Variants in LRRK1 observed in about 807,000 individuals in gnomAD.
The protein encoded by LRRK1 is leucine-rich repeat serine/threonine-protein kinase 1.
LRRK1 carries 113 observed loss-of-function variants against 209.1 expected under a neutral mutation model. That is an observed-to-expected ratio of 0.54 (90% CI 0.46 to 0.63). LRRK1 has a LOEUF of 0.63. LRRK1 is among the 30% of genes least tolerant of loss of function. LRRK1 has a pLI of 0.00. For missense variants in LRRK1, 2,284 were observed against 2,632.2 expected, an observed-to-expected ratio of 0.87 and a Z score of 2.89; for synonymous variants, 1,144 against 1,099.7, an observed-to-expected ratio of 1.04 and a Z score of -0.80.
intron 9 of LRRK1, among the ~76,000 whole-genome samples, chr15:101,011,206 T>C (rs1363205118): frequency 1.3e-5 from 2 of 151,962 alleles, no homozygotes; most frequent in Non-Finnish European, 1.5e-5. Context: ...CTATGGCTCA[T>C]GCCTGTAATC....
intron 20 of LRRK1, among the ~76,000 whole-genome samples, chr15:101,034,203 C>T (rs2034403216): frequency 6.6e-6 from 1 of 152,084 alleles, no homozygotes; most frequent in South Asian, 2.1e-4. Context: ...TCTCATTCAA[C>T]AGGTCTCTTC....
chr15:100,941,652 G>A (rs998283823), intron 2 of LRRK1, among the ~76,000 whole-genome samples: 4 of 152,142 alleles, frequency 2.6e-5, no homozygotes, highest in Admixed American at 6.5e-5. Flanking sequence ...GGGATTCCCC[G>A]TAGCTGTCTG....
chr15:100,933,268 C>T (rs1271851725), intron 2 of LRRK1, among the ~76,000 whole-genome samples: 2 of 152,298 alleles, frequency 1.3e-5, no homozygotes, highest in South Asian at 2.1e-4. Flanking sequence ...AGAATCTTCC[C>T]TGTGTGCTTG....
At position 101,021,904 on chromosome 15, in the gene LRRK1, T is replaced by G; in HGVS notation, c.1799T>G (p.Leu600Arg). ...ELGQLGNLWQ[L>R]DTEDLTISNV... ...GGGCAGCTGGGCAACCTCTGGCAGC[T>G]GGACACTGAAGACCTGACCATCAGC... The change falls in exon 14 of 34, where the codon CTG (leucine) becomes CGG (arginine). Residue 600 changes from leucine (L) to arginine (R), a missense_variant. Coordinates refer to ENST00000388948, the MANE Select transcript of LRRK1 (RefSeq NM_024652.6). 1 of 1,614,076 alleles carries G rather than the reference T, an allele frequency of 6.2e-7. No individual in the cohort carries two copies. Among genetic ancestry groups the G allele is most frequent in the Non-Finnish European group, 8.5e-7 (1 of 1,180,012 alleles).
In LRRK1 at chr15:101,009,077, G is replaced by A. The variant is rs552567913; in HGVS notation, c.989+14G>A. 1.3e-6 allele frequency: 2 copies of A among 1,594,258 alleles called. No homozygotes were observed. The highest frequency in any genetic ancestry group is 1.7e-5 in the Admixed American group (1 of 59,904). On this transcript the variant is annotated intron_variant, in intron 7 of 33. Coordinates refer to ENST00000388948, the MANE Select transcript of LRRK1 (RefSeq NM_024652.6). ...CATCTGTTCCAGGTGGCTCCCCGGG[G>A]TGTGACCGGAGCCGTGTGTGACCCC...
rs2033927334 is a variant in LRRK1 at position 101,024,386 on chromosome 15, G to A, written c.2068-417G>A. Among the ~76,000 whole-genome samples the A allele has an allele frequency of 6.6e-6, 1 of 152,162 alleles. No homozygotes were observed. Among genetic ancestry groups the A allele is most frequent in the Non-Finnish European group, 1.5e-5 (1 of 68,022 alleles). ...AGGGAGTTTCCCAGCATCCTTGGTG[G>A]GCGCCACCCTCTGAGCCCCACAAGT... is the stretch of plus-strand genomic sequence containing the variant. On this transcript the variant is annotated intron_variant, in intron 15 of 33. Transcript: ENST00000388948. The surrounding 1 kb of genome is among the most constrained non-coding windows in gnomAD (Gnocchi z 4.6).
chr15:101,047,816 G>A (rs959218710), intron 21 of LRRK1, among the ~76,000 whole-genome samples: 4 of 152,156 alleles, frequency 2.6e-5, no homozygotes, highest in South Asian at 4.1e-4. Flanking sequence ...CCAATAATCC[G>A]ACTGGTAAAC....
At chr15:101,015,195 C>T in intron 11 of LRRK1, 131 bp from the exon 12 acceptor site, 2 of 700,588 alleles carry the variant, frequency 2.9e-6, no homozygotes, top group South Asian at 3.6e-5. Context: ...GCAGCGTGCG[C>T]CCCTGCCAGG....
chr15:101,043,033 C>T (rs2034852041), intron 20 of LRRK1, among the ~76,000 whole-genome samples: 1 of 152,248 alleles, frequency 6.6e-6, no homozygotes, highest in Non-Finnish European at 1.5e-5. Context: ...GTTTCCATAT[C>T]AGCCGCTTCC....
At chr15:100,993,324 T>C (rs767199875) in intron 6 of LRRK1, among the ~76,000 whole-genome samples, 16 of 152,202 alleles carry the variant, frequency 1.1e-4, no homozygotes, top group Non-Finnish European at 2.1e-4. Flanking sequence ...TATCAGAGCC[T>C]GAAATATAGA....
chr15:101,011,890 T>G, intron 9 of LRRK1, 118 bp from the exon 10 acceptor site: 2 of 744,824 alleles, frequency 2.7e-6, no homozygotes, highest in South Asian at 3.6e-5. Context: ...GTCATCTTCA[T>G]TACAGGACAT....
At chr15:101,055,979 C>T (rs1257977286) in intron 27 of LRRK1, among the ~76,000 whole-genome samples, 1 of 152,218 alleles carries the variant, frequency 6.6e-6, no homozygotes, top group Non-Finnish European at 1.5e-5. Flanking sequence ...ATTAGCTCAG[C>T]ACCTGTGGTT....
Position 101,069,676 on chromosome 15 carries a change from T to C in LRRK1, c.*828T>C, listed in dbSNP as rs964354170. 2.0e-5 allele frequency: 3 copies of C among 152,660 alleles called. No individual in the cohort carries two copies. Among genetic ancestry groups the C allele is most frequent in the Non-Finnish European group, 4.4e-5 (3 of 68,040 alleles). 9.5% of individuals were successfully genotyped at this position (152,660 alleles called of 1,614,324 possible). ...GGCCCTGTTTGTTTGCACATAATAA[T>C]CTTGTTTATCACTTTAAAAAATTCA... On this transcript the variant is annotated 3_prime_UTR_variant, in exon 34 of 34. Coordinates refer to ENST00000388948, the MANE Select transcript of LRRK1 (RefSeq NM_024652.6).
At chr15:101,054,881 C>T in intron 26 of LRRK1, 65 bp from the exon 27 acceptor site, 1 of 1,329,330 alleles carries the variant, frequency 7.5e-7, no homozygotes, top group Admixed American at 2.2e-5. Flanking sequence ...CAGTTGTTAT[C>T]ATGATAATTT....
chr15:100,958,824 G>A (rs927893727), intron 2 of LRRK1, among the ~76,000 whole-genome samples: 10 of 152,114 alleles, frequency 6.6e-5, no homozygotes, highest in South Asian at 6.2e-4. Flanking sequence ...AGGAAGCAGC[G>A]CGGGGTCAGC....
In LRRK1 at chr15:101,015,414, T is replaced by C; in HGVS notation, c.1609+12T>C. The C allele has an allele frequency of 1.2e-6, 2 of 1,607,764 alleles. No individual in the cohort carries two copies. The highest frequency in any genetic ancestry group is 2.2e-5 in the South Asian group (2 of 90,248). On this transcript the variant is annotated intron_variant, in intron 12 of 33. Transcript: ENST00000388948. ...CGGGACTGAGGCAGGTGTGTGTGGG[T>C]TGGGAGACGGTGTTCCCAGATGAGA... is the stretch of plus-strand genomic sequence containing the variant.
At chr15:101,035,081 G>A (rs1466217595) in intron 20 of LRRK1, among the ~76,000 whole-genome samples, 1 of 151,708 alleles carries the variant, frequency 6.6e-6, no homozygotes, top group African/African-American at 2.4e-5. Context: ...TTTTAAGTCT[G>A]TATTCCATTT....
chr15:100,964,542 A>G (rs1047928343), intron 2 of LRRK1, among the ~76,000 whole-genome samples: 2 of 152,232 alleles, frequency 1.3e-5, no homozygotes, highest in Non-Finnish European at 2.9e-5. Flanking sequence ...AACTATGACC[A>G]GGTCAGTAGC....
In LRRK1 at chr15:100,985,118, G is replaced by T. The variant is rs533010114; in HGVS notation, c.433+1419G>T. On this transcript the variant is annotated intron_variant, in intron 4 of 33. Transcript: ENST00000388948. The stretch of plus-strand genomic sequence containing the variant: ...TTTGATAGATCTGTGCTCAGCGTTG[G>T]TTCCAAGCTAGTGTTCCCCTCATGT... 4.7e-5 allele frequency among the ~76,000 whole-genome samples: 7 copies of T among 147,536 alleles called. No individual in the cohort carries two copies. In the East Asian group the frequency reaches 1.4e-3, roughly 30 times the overall value.
Sources: allele counts gnomAD v4.1 joint callset (sites outside exome capture counted in the v4.1 genomes callset), GRCh38; gene constraint gnomAD v4.1.1; non-coding constraint Gnocchi (gnomAD v3.1); transcripts MANE v1.5; gene names NCBI Gene and HGNC (gene_info 2026-07-23, HGNC 2026-07-21).